The following GRIK2 variants were observed in gnomAD, a reference collection of about 807,000 sequenced individuals.
The protein encoded by GRIK2 is glutamate ionotropic receptor kainate type subunit 2, also known as glutamate receptor ionotropic, kainate 2.
In GRIK2, 32 loss-of-function variants were observed where a neutral mutation model predicts 100.3. That is an observed-to-expected ratio of 0.32 (90% CI 0.24 to 0.43). The LOEUF is 0.43. GRIK2 is among the 20% of genes least tolerant of loss of function. GRIK2 has a pLI of 1.00. For synonymous variants in GRIK2, 417 were observed against 389.4 expected (o/e 1.07, Z -0.83); for missense variants, 843 against 1,114.9 (o/e 0.76, Z 3.47).
intron 10 of GRIK2, among the ~76,000 whole-genome samples, chr6:101,845,795 C>G (rs1473614538): frequency 6.6e-6 from 1 of 152,082 alleles, no homozygotes; most frequent in Non-Finnish European, 1.5e-5. Context: ...TATGAAGGTT[C>G]TATTTTCTCT....
chr6:101,683,912 C>A (rs1189820555), intron 6 of GRIK2, among the ~76,000 whole-genome samples: 1 of 152,116 alleles, frequency 6.6e-6, no homozygotes, highest in Non-Finnish European at 1.5e-5. Context: ...CTTCTCCATT[C>A]CCATAACAAC....
At chr6:101,616,020 AG>A (rs1486203328) in intron 2 of GRIK2, among the ~76,000 whole-genome samples, 2 of 151,782 alleles carry the variant, frequency 1.3e-5, no homozygotes, top group Non-Finnish European at 2.9e-5. Flanking sequence ...GGAGTGAATA[AG>A]GTGTCCTCCT....
chr6:101,826,215 GAT>G (rs1434613744), intron 10 of GRIK2, among the ~76,000 whole-genome samples: 1 of 152,048 alleles, frequency 6.6e-6, no homozygotes, highest in Non-Finnish European at 1.5e-5. Flanking sequence ...AATGAGATAT[GAT>G]TTGTTCATGG....
At chr6:101,883,559 T>C (rs1379775200) in intron 11 of GRIK2, among the ~76,000 whole-genome samples, 1 of 152,032 alleles carries the variant, frequency 6.6e-6, no homozygotes, top group Non-Finnish European at 1.5e-5. Context: ...ATTAAAGTAC[T>C]GTATGGAGAT....
chr6:101,815,654 A>G (rs1458571776), intron 9 of GRIK2, among the ~76,000 whole-genome samples: 1 of 152,056 alleles, frequency 6.6e-6, no homozygotes, highest in Non-Finnish European at 1.5e-5. Context: ...AGGCTTGATC[A>G]AGTCATATGA....
intron 2 of GRIK2, among the ~76,000 whole-genome samples, chr6:101,518,924 A>G (rs182221474): frequency 6.6e-6 from 1 of 152,264 alleles, no homozygotes; most frequent in East Asian, 1.9e-4. Context: ...ATTTTTAAAC[A>G]AGTGTTACAT....
At chr6:101,766,506 A>C (rs1322545702) in intron 7 of GRIK2, among the ~76,000 whole-genome samples, 2 of 152,154 alleles carry the variant, frequency 1.3e-5, no homozygotes, top group Admixed American at 1.3e-4. Context: ...ACTTACCTCA[A>C]ATTCTTTTTT....
At chr6:101,877,557 A>G (rs118151662) in intron 11 of GRIK2, among the ~76,000 whole-genome samples, 1,837 of 152,094 alleles carry the variant, frequency 0.012, 16 homozygotes, top group Non-Finnish European at 0.019. Context: ...TCCCCTGGAT[A>G]TCAACAGATG....
chr6:101,795,247 G>A (rs1310932058), intron 7 of GRIK2, among the ~76,000 whole-genome samples: 2 of 152,142 alleles, frequency 1.3e-5, no homozygotes, highest in Non-Finnish European at 1.5e-5. Flanking sequence ...GGTTGAGGGG[G>A]CACTTTCGCT....
chr6:101,642,258 A>G (rs1781308484), intron 4 of GRIK2, among the ~76,000 whole-genome samples: 1 of 151,902 alleles, frequency 6.6e-6, no homozygotes, highest in Non-Finnish European at 1.5e-5. Context: ...TAAAATACAC[A>G]TACAATTTGC....
intron 14 of GRIK2, among the ~76,000 whole-genome samples, chr6:101,935,105 C>A (rs543525917): frequency 6.6e-6 from 1 of 151,826 alleles, no homozygotes; most frequent in Non-Finnish European, 1.5e-5. Flanking sequence ...CAGGTTATGT[C>A]TTTTAGTTTG....
At chr6:101,791,212 T>A (rs1193073051) in intron 7 of GRIK2, among the ~76,000 whole-genome samples, 1 of 152,220 alleles carries the variant, frequency 6.6e-6, no homozygotes, top group Admixed American at 6.5e-5. Context: ...TTTCCTTCAG[T>A]TCTGCTCTGA....
chr6:101,793,428 C>G lies in GRIK2; in HGVS notation c.952-6220C>G, dbSNP rs1780038983. On this transcript the variant is annotated intron_variant, in intron 7 of 16. Coordinates refer to ENST00000369134, the MANE Select transcript of GRIK2 (RefSeq NM_021956.5). ...GTTTGTTAGTTTTCCTTCTAACAGA[C>G]AGGACCCTCAGCTGCAGGTCTGTTG... 2.0e-5 allele frequency among the ~76,000 whole-genome samples: 3 copies of G among 152,186 alleles called. No homozygotes were observed. In the South Asian group the frequency reaches 6.2e-4, roughly 31 times the overall value.
intron 14 of GRIK2, among the ~76,000 whole-genome samples, chr6:102,000,276 C>CT (rs34370144): frequency 0.071 from 8,089 of 113,476 alleles, 361 homozygotes; most frequent in East Asian, 0.18. Flanking sequence ...TTGTTGAAGG[C>CT]TTTTTTTTTT....
intron 7 of GRIK2, among the ~76,000 whole-genome samples, chr6:101,747,141 C>T (rs1776468643): frequency 6.6e-6 from 1 of 152,140 alleles, no homozygotes; most frequent in Non-Finnish European, 1.5e-5. Flanking sequence ...ATGATTCTGC[C>T]ACCATCTATA....
chr6:102,006,392 T>TATATA lies in GRIK2; in HGVS notation c.2086-28949_2086-28948insATATA, dbSNP rs1562105606. The stretch of plus-strand genomic sequence containing the variant: ...TTTATATATATATATATATATATAT[T>TATATA]TTTTTTTTTTTTGAGACATACAGTG... On this transcript the variant is annotated intron_variant, in intron 14 of 16. Coordinates refer to ENST00000369134, the MANE Select transcript of GRIK2 (RefSeq NM_021956.5). Among the ~76,000 whole-genome samples, 675 of 96,282 alleles carry TATATA rather than the reference T, an allele frequency of 7.0e-3. 5 individuals carry two copies. The highest frequency in any genetic ancestry group is 0.021 in the East Asian group (70 of 3,336). The allele number at this position is 96,282 out of a possible 152,430, so 63.2% of individuals were successfully genotyped here. A position where few individuals can be genotyped will look rare whatever the true frequency, so the allele number is the denominator to read the frequency against.
chr6:101,680,030 G>C (rs931667298), intron 5 of GRIK2, among the ~76,000 whole-genome samples: 1 of 152,076 alleles, frequency 6.6e-6, no homozygotes, highest in East Asian at 1.9e-4. Context: ...GAGCCACCGC[G>C]CCTGGCCTCC....
intron 7 of GRIK2, among the ~76,000 whole-genome samples, chr6:101,697,087 C>A (rs540392532): frequency 2.6e-5 from 4 of 151,874 alleles, no homozygotes; most frequent in African/African-American, 9.7e-5. Context: ...GAGCCTCACT[C>A]GTCAAATAGA....
At chr6:101,723,571 C>A (rs1225161383) in intron 7 of GRIK2, among the ~76,000 whole-genome samples, 1 of 151,952 alleles carries the variant, frequency 6.6e-6, no homozygotes, top group Non-Finnish European at 1.5e-5. Flanking sequence ...CACTGCAATA[C>A]CTATAATTAT....
Sources: gnomAD v4.1 joint callset for allele counts (sites outside exome capture counted in the v4.1 genomes callset) on GRCh38, gnomAD v4.1.1 for gene constraint, MANE v1.5 for transcripts, NCBI Gene and HGNC (gene_info 2026-07-23, HGNC 2026-07-21) for gene names.